Variants in WNK1 observed in about 807,000 individuals in gnomAD.
WNK1 encodes WNK lysine deficient protein kinase 1, also known as serine/threonine-protein kinase WNK1.
WNK1 carries 38 observed loss-of-function variants against 222.8 expected under a neutral mutation model. That is an observed-to-expected ratio of 0.17 (90% confidence interval 0.13 to 0.22). WNK1 has a LOEUF of 0.22. Ranked by LOEUF, WNK1 falls within the 10% of genes least tolerant of loss-of-function variation. WNK1 has a pLI of 1.00. For synonymous variants in WNK1, 1,090 were observed against 1,092.9 expected (o/e 1.00, Z 0.05); for missense variants, 2,348 against 2,918.4 (o/e 0.80, Z 4.50).
At chr12:833,453 C>T (rs1175025632) in intron 4 of WNK1, among the ~76,000 whole-genome samples, 1 of 152,164 alleles carries the variant, frequency 6.6e-6, no homozygotes, top group Admixed American at 6.5e-5. Flanking sequence ...TTCATTATCT[C>T]GCACATATGC....
intron 1 of WNK1, among the ~76,000 whole-genome samples, chr12:785,382 C>T (rs566960277): frequency 2.9e-4 from 43 of 150,616 alleles, no homozygotes; most frequent in East Asian, 4.0e-4. Context: ...AATGGTCTAA[C>T]GTCCATATCA....
intron 5 of WNK1, among the ~76,000 whole-genome samples, chr12:857,456 G>A (rs966512165): frequency 6.6e-6 from 1 of 152,164 alleles, no homozygotes; most frequent in Non-Finnish European, 1.5e-5. Flanking sequence ...GTTTGGTAGA[G>A]TTTCAGTAAA....
At chr12:872,119 A>G (rs1361594921) in intron 9 of WNK1, among the ~76,000 whole-genome samples, 2 of 151,892 alleles carry the variant, frequency 1.3e-5, no homozygotes, top group African/African-American at 4.8e-5. Flanking sequence ...AAGAACATTT[A>G]TTTATTTATT....
intron 4 of WNK1, among the ~76,000 whole-genome samples, chr12:846,615 C>A (rs762973642): frequency 2.6e-5 from 4 of 152,130 alleles, no homozygotes; most frequent in Non-Finnish European, 4.4e-5. Flanking sequence ...CTGGCTGAAT[C>A]CAGCCCTATA....
rs1041831405 is a variant in WNK1 at position 865,272 on chromosome 12, CT to C, written c.2139+3005del. 2.6e-6 allele frequency: 4 copies of C among 1,535,976 alleles called. No individual in the cohort carries two copies. In the African/African-American group the frequency reaches 5.5e-5, roughly 21 times the overall value. On this transcript the variant is annotated intron_variant, in intron 8 of 27. Coordinates refer to ENST00000315939, the MANE Select transcript of WNK1 (RefSeq NM_018979.4). ...CCCCGAGGAAACTTTTGCCGAAAAGCTTTCTAAAGCATTGGAGAGTGTCCTG... is the reference window on the plus strand; with the variant it reads ...CCCCGAGGAAACTTTTGCCGAAAAGCTTCTAAAGCATTGGAGAGTGTCCTG...
chr12:868,538 A>G (rs774530455), intron 8 of WNK1: 1 of 1,613,888 alleles, frequency 6.2e-7, no homozygotes, highest in Non-Finnish European at 8.5e-7. Context: ...TACAGATGCT[A>G]CACGTTTGAA....
intron 2 of WNK1, among the ~76,000 whole-genome samples, chr12:823,636 T>C (rs1948091546): frequency 6.6e-6 from 1 of 152,232 alleles, no homozygotes; most frequent in South Asian, 2.1e-4. Flanking sequence ...ATTCTCTACT[T>C]CAATAGAATA....
At chr12:867,261 T>C (rs1391226204) in intron 8 of WNK1, among the ~76,000 whole-genome samples, 3 of 152,192 alleles carry the variant, frequency 2.0e-5, no homozygotes, top group South Asian at 2.1e-4. Flanking sequence ...TTGGGAGAGA[T>C]AGGAGAAAGA....
chr12:887,384 T>C, intron 20 of WNK1, 80 bp downstream of exon 20: 1 of 1,418,828 alleles, frequency 7.0e-7, no homozygotes, highest in Admixed American at 1.7e-5. Context: ...CTACGTGGTC[T>C]TGGCTTTTGC....
intron 1 of WNK1, among the ~76,000 whole-genome samples, chr12:788,094 G>A (rs1165515549): frequency 6.6e-6 from 1 of 152,066 alleles, no homozygotes; most frequent in African/African-American, 2.4e-5. Flanking sequence ...TTACTGCCTT[G>A]TAAGTGATTA....
At chr12:872,930 C>T (rs771056767) in intron 9 of WNK1, among the ~76,000 whole-genome samples, 7 of 152,206 alleles carry the variant, frequency 4.6e-5, no homozygotes, top group Non-Finnish European at 7.3e-5. Flanking sequence ...GCATTCACTC[C>T]GTGAACTGAA....
chr12:795,098 G>A (rs1164057339), intron 1 of WNK1, among the ~76,000 whole-genome samples: 1 of 152,080 alleles, frequency 6.6e-6, no homozygotes, highest in Non-Finnish European at 1.5e-5. Context: ...TCTGGCATTG[G>A]TGTTAGGTTA....
chr12:898,863 G>A (rs771012100), intron 25 of WNK1, among the ~76,000 whole-genome samples: 3 of 151,896 alleles, frequency 2.0e-5, no homozygotes, highest in South Asian at 4.2e-4. Context: ...CCTCAGCCCC[G>A]CATAGTAGCT....
At chr12:795,078 G>A (rs1306567341) in intron 1 of WNK1, among the ~76,000 whole-genome samples, 1 of 152,088 alleles carries the variant, frequency 6.6e-6, no homozygotes, top group Non-Finnish European at 1.5e-5. Flanking sequence ...GTTTCCTTGT[G>A]ATGTTTCTAT....
At chr12:782,483 G>T (rs774011122) in intron 1 of WNK1, among the ~76,000 whole-genome samples, 1 of 152,086 alleles carries the variant, frequency 6.6e-6, no homozygotes, top group Admixed American at 6.6e-5. Context: ...ATTACTCTGC[G>T]GTTCCTAAGT....
intron 26 of WNK1, chr12:904,315 A>G (rs1328232450): frequency 9.6e-6 from 5 of 520,880 alleles, no homozygotes; most frequent in Non-Finnish European, 1.7e-5. Context: ...ATATCTGTTC[A>G]AGGGCTACCA....
chr12:909,233 C>CT lies in WNK1; in HGVS notation c.*442dup, dbSNP rs1310397329. On this transcript the variant is annotated 3_prime_UTR_variant, in exon 28 of 28. Coordinates refer to ENST00000315939, the MANE Select transcript of WNK1 (RefSeq NM_018979.4). The stretch of plus-strand genomic sequence containing the variant: ...CAGGACAAAAACCACCTACTGGGCT[C>CT]TCTCCTACCCTGCCCTCCTCCCTTT... The CT allele has an allele frequency of 1.1e-5, 2 of 187,012 alleles. No individual in the cohort carries two copies. Among genetic ancestry groups the CT allele is most frequent in the African/African-American group, 4.7e-5 (2 of 42,168 alleles). The allele number at this position is 187,012 out of a possible 1,614,324, so 11.6% of individuals were successfully genotyped here.
chr12:861,629 TAAAAC>T (rs1012286287), intron 7 of WNK1, among the ~76,000 whole-genome samples: 4 of 152,196 alleles, frequency 2.6e-5, no homozygotes, highest in African/African-American at 9.7e-5. Context: ...TTTATTTAAA[TAAAAC>T]AGATTTAATA....
chr12:785,363 T>C lies in WNK1; in HGVS notation c.760-28279T>C, dbSNP rs114910047. On this transcript the variant is annotated intron_variant, in intron 1 of 27. Coordinates refer to ENST00000315939, the MANE Select transcript of WNK1 (RefSeq NM_018979.4). ...ACTCCTGTTACATATATGTTGGTTC[T>C]CCTAGACCAATGGTCTAACGTCCAT... is the stretch of plus-strand genomic sequence containing the variant. 4.6e-3 allele frequency among the ~76,000 whole-genome samples: 702 copies of C among 151,974 alleles called. 10 individuals carry two copies. Among genetic ancestry groups the C allele is most frequent in the African/African-American group, 0.016 (666 of 41,412 alleles).
Sources: gnomAD v4.1 joint callset for allele counts (sites outside exome capture counted in the v4.1 genomes callset) on GRCh38, gnomAD v4.1.1 for gene constraint, MANE v1.5 for transcripts, NCBI Gene and HGNC (gene_info 2026-07-23, HGNC 2026-07-21) for gene names.